Variants in STXBP5 observed in about 807,000 individuals in gnomAD.
The protein encoded by STXBP5 is syntaxin-binding protein 5.
A neutral mutation model predicts 152.4 loss-of-function variants in STXBP5; 50 were observed. That is an observed-to-expected ratio of 0.33 (90% CI 0.26 to 0.42). The LOEUF is 0.42. Ranked by LOEUF, STXBP5 falls within the 10% of genes least tolerant of loss-of-function variation. STXBP5 has a pLI of 1.00. For missense variants in STXBP5, 1,167 were observed against 1,388.6 expected, an observed-to-expected ratio of 0.84 and a Z score of 2.54; for synonymous variants, 492 against 494.7, an observed-to-expected ratio of 0.99 and a Z score of 0.07.
At chr6:147,237,713 T>G (rs1440594950) in intron 3 of STXBP5, among the ~76,000 whole-genome samples, 1 of 152,236 alleles carries the variant, frequency 6.6e-6, no homozygotes, top group Non-Finnish European at 1.5e-5. Flanking sequence ...CATAGAATTT[T>G]GAAGGTGGAA....
At chr6:147,282,730 AC>A (rs1189457387) in intron 8 of STXBP5, among the ~76,000 whole-genome samples, 4 of 151,994 alleles carry the variant, frequency 2.6e-5, no homozygotes, top group Non-Finnish European at 1.5e-5. Flanking sequence ...TCAGATTCTT[AC>A]CCTGAAGCAC....
chr6:147,348,985 C>G (rs1356464861), intron 21 of STXBP5, among the ~76,000 whole-genome samples: 1 of 152,040 alleles, frequency 6.6e-6, no homozygotes, highest in Non-Finnish European at 1.5e-5. Flanking sequence ...GGCATTAATA[C>G]TGACCTTTTT....
intron 21 of STXBP5, among the ~76,000 whole-genome samples, chr6:147,343,534 C>T (rs574707738): frequency 6.8e-4 from 103 of 152,158 alleles, no homozygotes; most frequent in Non-Finnish European, 8.4e-4. Flanking sequence ...CAAAGTAATG[C>T]CCCATGGTAG....
intron 22 of STXBP5, among the ~76,000 whole-genome samples, chr6:147,354,119 ATAAC>A (rs1368010166): frequency 6.6e-6 from 1 of 152,178 alleles, no homozygotes; most frequent in Non-Finnish European, 1.5e-5. Context: ...TATCTTAGAG[ATAAC>A]TAGGTTTTCT....
intron 18 of STXBP5, 107 bp downstream of exon 18, chr6:147,327,383 G>A (rs1783319522): frequency 7.5e-7 from 1 of 1,338,112 alleles, no homozygotes; most frequent in African/African-American, 1.5e-5. Flanking sequence ...GCCTGATTTA[G>A]TCTGTATATA....
chr6:147,294,198 G>T (rs962483828), intron 9 of STXBP5, among the ~76,000 whole-genome samples: 1 of 152,056 alleles, frequency 6.6e-6, no homozygotes, highest in Non-Finnish European at 1.5e-5. Flanking sequence ...TGTGAATCAG[G>T]TATGAAATCC....
In STXBP5 at chr6:147,260,554, T is replaced by C. The variant is rs1779593283; in HGVS notation, c.432-61T>C. On this transcript the variant is annotated intron_variant, in intron 4 of 27. Transcript: ENST00000321680. Reference sequence around the variant, plus strand: ...TTATATATCATAATCAACCCTCTAATGCAATTAGTAAAATTTGCCATTTTT... The same window carrying C: ...TTATATATCATAATCAACCCTCTAACGCAATTAGTAAAATTTGCCATTTTT... 2.5e-6 allele frequency: 4 copies of C among 1,592,152 alleles called. No homozygotes were observed. In the Admixed American group the frequency reaches 5.0e-5, roughly 20 times the overall value.
chr6:147,299,159 G>C (rs1411693426), intron 9 of STXBP5, among the ~76,000 whole-genome samples: 3 of 151,274 alleles, frequency 2.0e-5, no homozygotes, highest in Non-Finnish European at 4.4e-5. Flanking sequence ...AATAAATTCA[G>C]AGATGAAAAA....
Position 147,258,177 on chromosome 6 carries a change from T to G in STXBP5, c.432-2438T>G, listed in dbSNP as rs560662084. 3.5e-4 allele frequency among the ~76,000 whole-genome samples: 53 copies of G among 152,218 alleles called. 1 individual carries two copies. The South Asian group carries it at 5.6e-3, about 16-fold the overall frequency. On this transcript the variant is annotated intron_variant, in intron 4 of 27. Coordinates refer to ENST00000321680, the MANE Select transcript of STXBP5 (RefSeq NM_001127715.4). ...GCAAGCCACACGATCAATCCTAGAG[T>G]CAGTGTGGGAGGGGAATGTAATCTG...
intron 4 of STXBP5, among the ~76,000 whole-genome samples, chr6:147,247,566 TAAAG>T (rs1404113155): frequency 6.6e-6 from 1 of 152,160 alleles, no homozygotes; most frequent in Non-Finnish European, 1.5e-5. Flanking sequence ...TTGAAACTGT[TAAAG>T]AAAGGATGTT....
At position 147,291,136 on chromosome 6, in the gene STXBP5, C is replaced by G; in HGVS notation, c.881C>G (p.Pro294Arg). The G allele has an allele frequency of 6.2e-7, 1 of 1,612,734 alleles. No homozygotes were observed. The change falls in exon 9 of 28, where the codon CCT becomes CGT. Residue 294 changes from proline (P) to arginine (R), a missense_variant. Physicochemically the swap from Pro to Arg is moderately radical, Grantham distance 103. Transcript: ENST00000321680. ...GGGAAGAAGCCAGAACCATGCAAAC[C>G]TATCCTCAAGGTGGAATTCAAAACG... The part of the protein sequence containing the change: ...KDGKKPEPCK[P>R]ILKVEFKTTR...
At chr6:147,213,630 A>G (rs1471248574) in intron 2 of STXBP5, among the ~76,000 whole-genome samples, 1 of 152,114 alleles carries the variant, frequency 6.6e-6, no homozygotes, top group African/African-American at 2.4e-5. Context: ...AAAATTAATA[A>G]TTAGGATATC....
intron 4 of STXBP5, among the ~76,000 whole-genome samples, chr6:147,245,095 C>T (rs1357700811): frequency 6.7e-6 from 1 of 148,300 alleles, no homozygotes; most frequent in Non-Finnish European, 1.5e-5. Context: ...TGGGTTCAAG[C>T]GATTCTTCTG....
At chr6:147,225,304 A>G (rs544925539) in intron 2 of STXBP5, among the ~76,000 whole-genome samples, 1 of 152,314 alleles carries the variant, frequency 6.6e-6, no homozygotes, top group South Asian at 2.1e-4. Context: ...TGTAGTTCAT[A>G]GAAAATATCA....
chr6:147,312,675 G>A (rs1782445178), intron 11 of STXBP5, among the ~76,000 whole-genome samples: 1 of 152,042 alleles, frequency 6.6e-6, no homozygotes, highest in South Asian at 2.1e-4. Context: ...CCCTGAATTA[G>A]GTGAACAGTA....
At chr6:147,365,020 A>G (rs1261017261) in intron 25 of STXBP5, among the ~76,000 whole-genome samples, 1 of 152,208 alleles carries the variant, frequency 6.6e-6, no homozygotes, top group African/African-American at 2.4e-5. Context: ...TAAAATTAGC[A>G]TAGAAGTGGT....
intron 3 of STXBP5, among the ~76,000 whole-genome samples, chr6:147,237,738 T>G (rs146660932): frequency 6.6e-6 from 1 of 152,322 alleles, no homozygotes; most frequent in Non-Finnish European, 1.5e-5. Context: ...GTTGGAGAGA[T>G]AATTTAATAT....
At chr6:147,328,577 C>T in intron 18 of STXBP5, 12 of 313,992 alleles carry the variant, frequency 3.8e-5, no homozygotes, top group East Asian at 9.2e-5. Context: ...TTTGTTTTTC[C>T]ATTTTTTTTT....
rs1409171340 is a variant in STXBP5 at position 147,373,712 on chromosome 6, A to G, written c.3082-19A>G. ...TTTCCCTGAAATTTCAACAGTGACAATTTGTTTTGATTTTAAAGGAAATGT... is the reference window on the plus strand; with the variant it reads ...TTTCCCTGAAATTTCAACAGTGACAGTTTGTTTTGATTTTAAAGGAAATGT... On this transcript the variant is annotated intron_variant, in intron 25 of 27. Transcript: ENST00000321680. The G allele has an allele frequency of 9.4e-6, 15 of 1,587,576 alleles. No homozygotes were observed. The highest frequency in any genetic ancestry group is 1.1e-5 in the Non-Finnish European group (13 of 1,157,026).
Sources: gnomAD v4.1 joint callset for allele counts (sites outside exome capture counted in the v4.1 genomes callset) on GRCh38, gnomAD v4.1.1 for gene constraint, MANE v1.5 for transcripts, NCBI Gene and HGNC (gene_info 2026-07-23, HGNC 2026-07-21) for gene names.